Variants in DLG2 observed in about 807,000 individuals in gnomAD.
DLG2 encodes the protein discs large MAGUK scaffold protein 2.
In DLG2, 45 loss-of-function variants were observed where a neutral mutation model predicts 132.5. That is an observed-to-expected ratio of 0.34 (90% CI 0.27 to 0.44). The LOEUF (loss-of-function observed/expected upper bound fraction) is 0.44, where lower values mean the gene tolerates loss of function less well. DLG2 is among the 20% of genes least tolerant of loss of function. The pLI is 1.00. For missense variants in DLG2, 1,045 were observed against 1,196.9 expected, an observed-to-expected ratio of 0.87 and a Z score of 1.87; for synonymous variants, 424 against 419.6, an observed-to-expected ratio of 1.01 and a Z score of -0.13.
chr11:84,042,355 ATC>A, intron 11 of DLG2, among the ~76,000 whole-genome samples: 1 of 151,634 alleles, frequency 6.6e-6, no homozygotes, highest in African/African-American at 2.4e-5. Flanking sequence ...GTAAGCCTGG[ATC>A]TCTCTCATTA....
chr11:84,984,420 C>A (rs1002354408), intron 6 of DLG2, among the ~76,000 whole-genome samples: 2 of 151,994 alleles, frequency 1.3e-5, no homozygotes, highest in African/African-American at 4.8e-5. Context: ...CTTTTTCAGA[C>A]AAACAAATGC....
chr11:85,230,612 A>G (rs1445161053), intron 4 of DLG2, among the ~76,000 whole-genome samples: 1 of 151,856 alleles, frequency 6.6e-6, no homozygotes, highest in Non-Finnish European at 1.5e-5. Flanking sequence ...GTTTATTATA[A>G]GACTTAATCT....
At chr11:85,159,073 C>A (rs2077827641) in intron 4 of DLG2, among the ~76,000 whole-genome samples, 1 of 152,130 alleles carries the variant, frequency 6.6e-6, no homozygotes, top group Admixed American at 6.5e-5. Context: ...AAGGAGACCT[C>A]CAGTCTTTTA....
At chr11:83,772,807 C>T (rs1282316894) in intron 18 of DLG2, among the ~76,000 whole-genome samples, 1 of 152,066 alleles carries the variant, frequency 6.6e-6, no homozygotes, top group Non-Finnish European at 1.5e-5. Context: ...ATAAGATTTA[C>T]CTGTATTCCT....
intron 6 of DLG2, among the ~76,000 whole-genome samples, chr11:85,057,066 G>C (rs1469568241): frequency 5.9e-5 from 9 of 151,772 alleles, no homozygotes; most frequent in South Asian, 2.1e-4. Flanking sequence ...TGGCTATGCA[G>C]TCCTTAGAAG....
intron 6 of DLG2, among the ~76,000 whole-genome samples, chr11:85,099,378 C>A (rs1221494544): frequency 1.3e-5 from 2 of 152,164 alleles, no homozygotes; most frequent in Non-Finnish European, 1.5e-5. Context: ...AAGTCATTGA[C>A]AAGAAAGCCT....
chr11:84,819,098 C>CACACACACACACACAT (rs1252505432), intron 6 of DLG2, among the ~76,000 whole-genome samples: 4 of 148,716 alleles, frequency 2.7e-5, no homozygotes, highest in Non-Finnish European at 1.5e-5. Flanking sequence ...CACACACACA[C>CACACACACACACACAT]ACACACACAA....
intron 9 of DLG2, among the ~76,000 whole-genome samples, chr11:84,122,186 G>T (rs2093956504): frequency 1.3e-5 from 2 of 151,888 alleles, no homozygotes; most frequent in Non-Finnish European, 1.5e-5. Flanking sequence ...TGGGTGTGAT[G>T]GTGCACACCT....
At chr11:84,552,514 A>C (rs2099403790) in intron 6 of DLG2, among the ~76,000 whole-genome samples, 1 of 151,808 alleles carries the variant, frequency 6.6e-6, no homozygotes, top group South Asian at 2.1e-4. Flanking sequence ...TAATTTATTC[A>C]CTGCCTCCAT....
rs1567803740 is a variant in DLG2, at chr11:84,502,222, CCTTCCTTCCT to C, written c.519+32338_519+32347del. Among the ~76,000 whole-genome samples, 105 of 12,802 alleles carry C rather than the reference CCTTCCTTCCT, an allele frequency of 8.2e-3. 15 individuals carry two copies. The highest frequency in any genetic ancestry group is 0.011 in the Admixed American group (19 of 1,724). The allele number at this position is 12,802 out of a possible 152,430, so 8.4% of individuals were successfully genotyped here. ...TCTCTCCTTCCTTCCTTCCTTCCTTCCTTCCTTCCTTCCTTCCTTCCTTCCTTCCTTCCTT... is the reference window on the plus strand; with the variant it reads ...TCTCTCCTTCCTTCCTTCCTTCCTTCTCCTTCCTTCCTTCCTTCCTTCCTT... On this transcript the variant is annotated intron_variant, in intron 7 of 27. Transcript: ENST00000376104.
At chr11:84,681,386 C>T (rs1390790236) in intron 6 of DLG2, among the ~76,000 whole-genome samples, 1 of 152,146 alleles carries the variant, frequency 6.6e-6, no homozygotes, top group Non-Finnish European at 1.5e-5. Context: ...AGCTTAGGTA[C>T]TTGAAGAAGG....
chr11:84,270,510 A>T (rs1222119569), intron 7 of DLG2, among the ~76,000 whole-genome samples: 1 of 152,152 alleles, frequency 6.6e-6, no homozygotes, highest in Non-Finnish European at 1.5e-5. Context: ...GGTTCCTTTC[A>T]CCAATATGAA....
chr11:84,842,215 A>G (rs1212003215), intron 6 of DLG2, among the ~76,000 whole-genome samples: 1 of 152,050 alleles, frequency 6.6e-6, no homozygotes, highest in African/African-American at 2.4e-5. Context: ...CCAGGTTTCT[A>G]CTATAAACCA....
At chr11:85,577,898 T>C (rs1276685698) in intron 3 of DLG2, among the ~76,000 whole-genome samples, 3 of 152,126 alleles carry the variant, frequency 2.0e-5, no homozygotes, top group South Asian at 4.1e-4. Context: ...TACTTTAAAA[T>C]TCATATGGAA....
intron 6 of DLG2, among the ~76,000 whole-genome samples, chr11:84,661,298 A>G (rs77659120): frequency 0.033 from 4,991 of 152,256 alleles, 299 homozygotes; most frequent in African/African-American, 0.11. Flanking sequence ...AAGCATCAGA[A>G]GTATTTGCCT....
chr11:84,911,638 C>A (rs2092070137), intron 6 of DLG2, among the ~76,000 whole-genome samples: 1 of 152,122 alleles, frequency 6.6e-6, no homozygotes, highest in South Asian at 2.1e-4. Context: ...AAACACCAAT[C>A]TGTTAAATGT....
intron 6 of DLG2, among the ~76,000 whole-genome samples, chr11:84,629,706 T>C (rs2099628383): frequency 1.3e-5 from 2 of 152,080 alleles, no homozygotes; most frequent in Non-Finnish European, 2.9e-5. Flanking sequence ...ACAAATTAAG[T>C]GTTCACATAC....
At chr11:84,234,755 A>ATT (rs2097137577) in intron 8 of DLG2, among the ~76,000 whole-genome samples, 1 of 152,218 alleles carries the variant, frequency 6.6e-6, no homozygotes. Flanking sequence ...TATTTAGAGT[A>ATT]ATAAAATACC....
intron 19 of DLG2, among the ~76,000 whole-genome samples, chr11:83,596,932 C>T (rs910351867): frequency 1.3e-5 from 2 of 152,088 alleles, no homozygotes; most frequent in African/African-American, 4.8e-5. Flanking sequence ...GTTCTCATAG[C>T]TTTTAGTTCC....
Sources: allele counts gnomAD v4.1 joint callset (sites outside exome capture counted in the v4.1 genomes callset), GRCh38; gene constraint gnomAD v4.1.1; transcripts MANE v1.5; gene names NCBI Gene and HGNC (gene_info 2026-07-23, HGNC 2026-07-21).